The following GPSM2 variants were observed in gnomAD, a reference collection of about 807,000 sequenced individuals.
GPSM2 encodes the protein G protein-signaling modulator 2.
A neutral mutation model predicts 78.4 loss-of-function variants in GPSM2; 58 were observed. The observed-to-expected ratio is 0.74, with a 90% confidence interval of 0.60 to 0.92. The LOEUF (loss-of-function observed/expected upper bound fraction) is 0.92. GPSM2 is among the 40% of genes least tolerant of loss of function. GPSM2 has a pLI of 0.00. For missense variants in GPSM2, 700 were observed against 815.5 expected (o/e 0.86, Z 1.73); for synonymous variants, 224 against 280.2 (o/e 0.80, Z 2.00).
At chr1:108,895,762 A>C (rs930921682) in intron 2 of GPSM2, among the ~76,000 whole-genome samples, 13 of 152,210 alleles carry the variant, frequency 8.5e-5, no homozygotes, top group Admixed American at 2.6e-4. Context: ...AATAAAGTAC[A>C]CAATAAATGT....
At chr1:108,901,765 T>C in intron 7 of GPSM2, 25 bp from the exon 8 acceptor site, 2 of 1,576,338 alleles carry the variant, frequency 1.3e-6, no homozygotes, top group Non-Finnish European at 1.7e-6. Flanking sequence ...ATGATCATTA[T>C]ATAAGAATTA....
chr1:108,916,094 AGAT>A (rs922728700), intron 11 of GPSM2, among the ~76,000 whole-genome samples: 1 of 150,362 alleles, frequency 6.7e-6, no homozygotes, highest in African/African-American at 2.4e-5. Context: ...AAAAAAAAAA[AGAT>A]AGAAAAATTA....
chr1:108,916,648 TG>T (rs1650250583), intron 11 of GPSM2, among the ~76,000 whole-genome samples: 1 of 152,238 alleles, frequency 6.6e-6, no homozygotes, highest in Non-Finnish European at 1.5e-5. Flanking sequence ...TGCCTACCTA[TG>T]TAGTGGTACT....
intron 5 of GPSM2, 134 bp downstream of exon 5, chr1:108,898,235 A>G (rs1648527181): frequency 1.2e-6 from 1 of 852,402 alleles, no homozygotes; most frequent in East Asian, 2.5e-5. Flanking sequence ...TCATCAATTC[A>G]GTTGCTTAAA....
intron 10 of GPSM2, among the ~76,000 whole-genome samples, chr1:108,913,347 C>G (rs906447172): frequency 6.6e-6 from 1 of 152,160 alleles, no homozygotes; most frequent in African/African-American, 2.4e-5. Context: ...GGATGATTTC[C>G]TAGTCCACTC....
chr1:108,898,000 T>C lies in GPSM2; in HGVS notation c.456T>C (p.Tyr152=). Residue 152 remains tyrosine (Y), a synonymous_variant, in exon 5 of 15, where the codon TAT becomes TAC. Coordinates refer to ENST00000264126, the MANE Select transcript of GPSM2 (RefSeq NM_013296.5). The part of the protein sequence containing the change: ...ARALYNLGNV[Y]HAKGKSFGCP... The stretch of plus-strand genomic sequence containing the variant: ...CACTTTACAATCTTGGGAATGTGTA[T>C]CATGCCAAAGGGAAAAGTTTTGGTT... 6.2e-7 allele frequency: 1 copy of C among 1,613,944 alleles called. No individual in the cohort carries two copies. Among genetic ancestry groups the C allele is most frequent in the Non-Finnish European group, 8.5e-7 (1 of 1,179,770 alleles).
chr1:108,927,015 A>G (rs1372219801), intron 14 of GPSM2: 1 of 152,246 alleles, frequency 6.6e-6, no homozygotes, highest in East Asian at 1.9e-4. Flanking sequence ...TTATACACTA[A>G]CAATGAACAA....
chr1:108,900,910 A>G (rs1226268934), intron 7 of GPSM2, among the ~76,000 whole-genome samples: 2 of 152,238 alleles, frequency 1.3e-5, no homozygotes, highest in Non-Finnish European at 2.9e-5. Flanking sequence ...TATAAGTGAT[A>G]TGAAGTAATT....
intron 10 of GPSM2, chr1:108,909,977 C>T (rs969875784): frequency 1.3e-4 from 13 of 99,852 alleles, no homozygotes; most frequent in African/African-American, 4.8e-4. Flanking sequence ...GTAAAACAAA[C>T]AAACAAAAAA....
At position 108,929,920 on chromosome 1, in the gene GPSM2, A is replaced by G. The variant is rs759753373; in HGVS notation, c.2035A>G (p.Lys679Glu). ...TTTGTTGGAGTTTAAAAATTCAGGG[A>G]AAAAATCGGCAGACCATTAGTTACT... The part of the protein sequence containing the change: ...NALLEFKNSG[K>E]KSADH Residue 679 changes from lysine to glutamate, a missense_variant, in exon 15 of 15, where the codon AAA (lysine) becomes GAA (glutamate). By Grantham distance (56) the Lys-to-Glu change is moderately conservative (BLOSUM62 1). Coordinates refer to ENST00000264126, the MANE Select transcript of GPSM2 (RefSeq NM_013296.5). 2 of 1,613,502 alleles carry G rather than the reference A, an allele frequency of 1.2e-6. No individual in the cohort carries two copies. Among genetic ancestry groups the G allele is most frequent in the East Asian group, 2.2e-5 (1 of 44,864 alleles).
At chr1:108,880,368 G>A (rs953622176) in intron 1 of GPSM2, among the ~76,000 whole-genome samples, 2 of 152,200 alleles carry the variant, frequency 1.3e-5, no homozygotes, top group African/African-American at 4.8e-5. Flanking sequence ...GCCCAGGTGG[G>A]CGGATCACTT....
At chr1:108,894,001 G>A (rs189447653) in intron 2 of GPSM2, among the ~76,000 whole-genome samples, 1 of 152,226 alleles carries the variant, frequency 6.6e-6, no homozygotes, top group Admixed American at 6.5e-5. Context: ...GTTGCAGTGA[G>A]CCATTGCGCT....
chr1:108,898,620 A>T, intron 5 of GPSM2, 22 bp from the exon 6 acceptor site: 1 of 1,612,154 alleles, frequency 6.2e-7, no homozygotes, highest in Non-Finnish European at 8.5e-7. Context: ...TTATTTTTTC[A>T]TCACTTTTTG....
At chr1:108,894,046 G>GA (rs903294567) in intron 2 of GPSM2, among the ~76,000 whole-genome samples, 8 of 148,152 alleles carry the variant, frequency 5.4e-5, no homozygotes, top group Admixed American at 1.3e-4. Flanking sequence ...TCCATCTCAA[G>GA]AAAAAAAAAA....
Position 108,931,408 on chromosome 1 carries a change from G to A in GPSM2, c.*1468G>A. ...ACAGACTGGGACCTGGAGTAACACT[G>A]GATCACAGACTGCAAAGGCCCACGC... On this transcript the variant is annotated 3_prime_UTR_variant, in exon 15 of 15. Transcript: ENST00000264126. 2 of 1,551,116 alleles carry A rather than the reference G, an allele frequency of 1.3e-6. No homozygotes were observed. The highest frequency in any genetic ancestry group is 1.7e-6 in the Non-Finnish European group (2 of 1,147,104).
rs544249157 is a variant in GPSM2, at chr1:108,908,450, G to A, written c.1192+4196G>A. The stretch of plus-strand genomic sequence containing the variant: ...TGTAATCCCAGCACTTTGGGAAGCC[G>A]AGGCACGTGGATCACGAGGTCAGGA... On this transcript the variant is annotated intron_variant, in intron 10 of 14. Coordinates refer to ENST00000264126, the MANE Select transcript of GPSM2 (RefSeq NM_013296.5). Among the ~76,000 whole-genome samples, 16 of 150,924 alleles carry A rather than the reference G, an allele frequency of 1.1e-4. No individual in the cohort carries two copies. In the East Asian group the frequency reaches 2.8e-3, roughly 26 times the overall value.
intron 3 of GPSM2, 23 bp downstream of exon 3, chr1:108,897,108 T>A: frequency 6.8e-7 from 1 of 1,479,076 alleles, no homozygotes. Context: ...AGCTTTTAAA[T>A]ATTCTTCCTT....
At chr1:108,901,316 C>T (rs1246867372) in intron 7 of GPSM2, among the ~76,000 whole-genome samples, 8 of 152,026 alleles carry the variant, frequency 5.3e-5, no homozygotes, top group Non-Finnish European at 7.4e-5. Context: ...GACTAATGCC[C>T]GATACATAAG....
At position 108,934,046 on chromosome 1, in the gene GPSM2, C is replaced by G. The variant is rs1350958136; in HGVS notation, c.*4106C>G. On this transcript the variant is annotated 3_prime_UTR_variant, in exon 15 of 15. Transcript: ENST00000264126. Reference sequence around the variant, plus strand: ...TAAAACAGATTACCAATATAACAAGCTATGTTATCTAAATTGCCCTGGCAG... The same window carrying G: ...TAAAACAGATTACCAATATAACAAGGTATGTTATCTAAATTGCCCTGGCAG... 3 of 152,220 alleles carry G rather than the reference C, an allele frequency of 2.0e-5. No homozygotes were observed. The highest frequency in any genetic ancestry group is 7.2e-5 in the African/African-American group (3 of 41,438). 9.4% of individuals were successfully genotyped at this position (152,220 alleles called of 1,614,324 possible). A position where few individuals can be genotyped will look rare whatever the true frequency, so the allele number is the denominator to read the frequency against.
Sources: gnomAD v4.1 joint callset for allele counts (sites outside exome capture counted in the v4.1 genomes callset) on GRCh38, gnomAD v4.1.1 for gene constraint, MANE v1.5 for transcripts, NCBI Gene and HGNC (gene_info 2026-07-23, HGNC 2026-07-21) for gene names.